Variants in RADIL observed in about 807,000 individuals in gnomAD.
RADIL encodes the protein ras-associating and dilute domain-containing protein.
Under a neutral mutation model 97.6 loss-of-function variants are expected in RADIL, and 99 were observed. The observed-to-expected ratio is 1.01, with a 90% CI of 0.86 to 1.20. RADIL has a LOEUF of 1.20. Ranked by LOEUF, RADIL falls within the 50% of genes most tolerant of loss-of-function variation. The probability of loss-of-function intolerance (pLI) is 0.00; values close to 1 mark genes in which losing one functional copy is unlikely to be tolerated. For synonymous variants in RADIL, 803 were observed against 691.8 expected (o/e 1.16, Z -2.52); for missense variants, 1,765 against 1,498.9 (o/e 1.18, Z -2.93).
At chr7:4,856,407 G>A (rs769823859) in intron 2 of RADIL, among the ~76,000 whole-genome samples, 2 of 152,160 alleles carry the variant, frequency 1.3e-5, no homozygotes, top group Non-Finnish European at 2.9e-5. Flanking sequence ...ACCGCACCCG[G>A]CCTGTTGATC....
At chr7:4,838,853 G>C (rs1783369218) in intron 2 of RADIL, among the ~76,000 whole-genome samples, 1 of 152,256 alleles carries the variant, frequency 6.6e-6, no homozygotes, top group East Asian at 1.9e-4. Flanking sequence ...CGTGGGCATG[G>C]CCAGTGTGGA....
At position 4,877,829 on chromosome 7, in the gene RADIL, G is replaced by C. The variant is rs1784406134; in HGVS notation, c.311C>G (p.Pro104Arg). The C allele has an allele frequency of 1.5e-5, 24 of 1,608,168 alleles. No individual in the cohort carries two copies. The East Asian group carries it at 5.3e-4, about 36-fold the overall frequency. Residue 104 changes from proline to arginine, a missense_variant, in exon 2 of 15, where the codon CCC (proline) becomes CGC (arginine). By Grantham distance (103) the Pro-to-Arg change is moderately radical. Coordinates refer to ENST00000399583, the MANE Select transcript of RADIL (RefSeq NM_018059.5). ...KEALERYALD[P>R]RQAGQYVLCD... ...CAGCACGTACTGGCCGGCCTGCCTGGGGTCCAGGGCGTACCGCTCCAGCGC... is the reference window on the plus strand; with the variant it reads ...CAGCACGTACTGGCCGGCCTGCCTGCGGTCCAGGGCGTACCGCTCCAGCGC...
chr7:4,820,023 G>A (rs1035648188), intron 6 of RADIL, among the ~76,000 whole-genome samples: 17 of 152,246 alleles, frequency 1.1e-4, no homozygotes, highest in Admixed American at 6.5e-4. Context: ...ACGAAGCCAC[G>A]TGGAAAGTCA....
chr7:4,839,671 C>A (rs1783394213), intron 2 of RADIL, among the ~76,000 whole-genome samples: 3 of 152,034 alleles, frequency 2.0e-5, no homozygotes, highest in Admixed American at 2.0e-4. Context: ...TGATAAAAAT[C>A]TTTACCTGTC....
chr7:4,839,938 A>G (rs1014826401), intron 2 of RADIL, among the ~76,000 whole-genome samples: 1 of 152,178 alleles, frequency 6.6e-6, no homozygotes, highest in African/African-American at 2.4e-5. Flanking sequence ...GATTAGAGAC[A>G]GGGTTTCACC....
At chr7:4,808,370 T>C (rs1383610327) in intron 9 of RADIL, among the ~76,000 whole-genome samples, 5 of 152,208 alleles carry the variant, frequency 3.3e-5, no homozygotes, top group African/African-American at 1.2e-4. Flanking sequence ...ATTTTATGGA[T>C]ACTATATCTT....
intron 2 of RADIL, among the ~76,000 whole-genome samples, chr7:4,871,095 A>G (rs1784242998): frequency 6.6e-6 from 1 of 152,220 alleles, no homozygotes; most frequent in Admixed American, 6.5e-5. Flanking sequence ...TAGGCTGGTG[A>G]AAAAAGGTTT....
Position 4,867,387 on chromosome 7 carries a change from T to G in RADIL, c.535+10218A>C, listed in dbSNP as rs1420671055. ...AGAAGCTGTACCCAATTTGAGTGTCTGTGCTTAAGGAAATGAATATGTAGT... is the reference window on the plus strand; with the variant it reads ...AGAAGCTGTACCCAATTTGAGTGTCGGTGCTTAAGGAAATGAATATGTAGT... On this transcript the variant is annotated intron_variant, in intron 2 of 14. Transcript: ENST00000399583. This position sits in a 1 kb window ranked among gnomAD's most constrained non-coding sequence, Gnocchi z 4.1. 1.3e-5 allele frequency among the ~76,000 whole-genome samples: 2 copies of G among 152,180 alleles called. No homozygotes were observed. The highest frequency in any genetic ancestry group is 2.4e-5 in the African/African-American group (1 of 41,440).
chr7:4,825,802 G>T (rs1350768143), intron 5 of RADIL, among the ~76,000 whole-genome samples: 1 of 147,758 alleles, frequency 6.8e-6, no homozygotes, highest in African/African-American at 2.5e-5. Flanking sequence ...CTTGAACCAG[G>T]ACCCGGGAGG....
Position 4,801,866 on chromosome 7 carries a change from C to A in RADIL, c.2629G>T (p.Ala877Ser). The change falls in exon 12 of 15, where the codon GCA becomes TCA. Residue 877 changes from alanine to serine, a missense_variant. Physicochemically the swap from Ala to Ser is moderately conservative, Grantham distance 99 (BLOSUM62 1). Coordinates refer to ENST00000399583, the MANE Select transcript of RADIL (RefSeq NM_018059.5). The part of the protein sequence containing the change: ...RTLPLRGAPW[A>S]QAPPGRQPSR... ...GGTTGCCTTCCAGGGGGGGCCTGTG[C>A]CCAGGGAGCCCCCCTCAAGGGAAGA... 1 of 1,590,052 alleles carries A rather than the reference C, an allele frequency of 6.3e-7. No individual in the cohort carries two copies. The highest frequency in any genetic ancestry group is 1.1e-5 in the South Asian group (1 of 88,152).
At chr7:4,844,937 T>C (rs2115014105) in intron 2 of RADIL, among the ~76,000 whole-genome samples, 1 of 152,030 alleles carries the variant, frequency 6.6e-6, no homozygotes, top group African/African-American at 2.4e-5. Context: ...GCAAATCATG[T>C]TGGATTCATG....
rs997851294 is a variant in RADIL at position 4,867,288 on chromosome 7, C to T, written c.535+10317G>A. 6.6e-6 allele frequency among the ~76,000 whole-genome samples: 1 copy of T among 152,110 alleles called. No individual in the cohort carries two copies. The highest frequency in any genetic ancestry group is 1.5e-5 in the Non-Finnish European group (1 of 68,030). On this transcript the variant is annotated intron_variant, in intron 2 of 14. Transcript: ENST00000399583. This position sits in a 1 kb window ranked among gnomAD's most constrained non-coding sequence, Gnocchi z 4.1. ...CATATGCTCTGTAATCCAGCAGCTC[C>T]GTTCCTGGAAGAATGCCTCCGAGAA...
intron 2 of RADIL, chr7:4,858,303 T>C (rs551615200): frequency 1.8e-4 from 27 of 152,322 alleles, no homozygotes; most frequent in African/African-American, 6.0e-4. Flanking sequence ...GCAAGGCTAA[T>C]TGGAAAGCCT....
rs188024637 is a variant in RADIL, at chr7:4,834,613, A to C, written c.1410T>G (p.Thr470=). The change falls in exon 4 of 15, where the codon ACT becomes ACG. Residue 470 remains threonine (T), a synonymous_variant. Coordinates refer to ENST00000399583, the MANE Select transcript of RADIL (RefSeq NM_018059.5). This position sits in a 1 kb window ranked among gnomAD's most constrained non-coding sequence, Gnocchi z 6.0. ...LLKIARLIRE[T]VWEKTKELAE... The stretch of plus-strand genomic sequence containing the variant: ...CCCACCCCAGCACACTGACCCAGAC[A>C]GTCTCGCGGATCAGCCTGGCTATCT... 1 of 1,337,390 alleles carries C rather than the reference A, an allele frequency of 7.5e-7. No homozygotes were observed. The highest frequency in any genetic ancestry group is 1.5e-5 in the African/African-American group (1 of 66,528). The allele number at this position is 1,337,390 out of a possible 1,614,324, so 82.8% of individuals were successfully genotyped here.
rs981648696 is a variant in RADIL at position 4,854,662 on chromosome 7, C to A, written c.536-18057G>T. On this transcript the variant is annotated intron_variant, in intron 2 of 14. Transcript: ENST00000399583. The surrounding 1 kb of genome is among the most constrained non-coding windows in gnomAD (Gnocchi z 5.1). ...TGAGCCGAGATGGCGCCACCGCACT[C>A]CACCCTGGGCGACAGAGCGAGACTC... Among the ~76,000 whole-genome samples the A allele has an allele frequency of 6.6e-6, 1 of 152,166 alleles. No homozygotes were observed. Among genetic ancestry groups the A allele is most frequent in the African/African-American group, 2.4e-5 (1 of 41,424 alleles).
At chr7:4,844,273 G>A (rs984177158) in intron 2 of RADIL, among the ~76,000 whole-genome samples, 2 of 151,938 alleles carry the variant, frequency 1.3e-5, no homozygotes, top group Admixed American at 6.6e-5. Flanking sequence ...GTAAAACCCT[G>A]TCTCTACTAA....
At chr7:4,858,466 G>A (rs1423421119) in intron 2 of RADIL, 3 of 152,494 alleles carry the variant, frequency 2.0e-5, no homozygotes, top group African/African-American at 4.8e-5. Context: ...TAAAAGAGCA[G>A]AAAGCCAGTA....
At chr7:4,825,732 T>C (rs1484473136) in intron 5 of RADIL, among the ~76,000 whole-genome samples, 2 of 151,602 alleles carry the variant, frequency 1.3e-5, no homozygotes, top group Non-Finnish European at 2.9e-5. Flanking sequence ...AAAAATTAGC[T>C]GGGCGTGGTG....
At chr7:4,828,780 C>T (rs576322091) in intron 5 of RADIL, among the ~76,000 whole-genome samples, 69 of 152,314 alleles carry the variant, frequency 4.5e-4, no homozygotes, top group African/African-American at 1.4e-3. Context: ...GGGATGGAAA[C>T]GGCTGTTTTT....
Sources: allele counts gnomAD v4.1 joint callset (sites outside exome capture counted in the v4.1 genomes callset), GRCh38; gene constraint gnomAD v4.1.1; non-coding constraint Gnocchi (gnomAD v3.1); transcripts MANE v1.5; gene names NCBI Gene and HGNC (gene_info 2026-07-23, HGNC 2026-07-21).